The following ZNF148 variants were observed in gnomAD, a reference collection of about 807,000 sequenced individuals.
The protein encoded by ZNF148 is zinc finger protein 148, also known as Beta-Enolase Repressor Factor-1.
In ZNF148, 7 loss-of-function variants were observed where a neutral mutation model predicts 67.7. The ratio of observed to expected loss-of-function variants is 0.10; its 90% confidence interval spans 0.06 to 0.19. The LOEUF is 0.19. ZNF148 is among the 10% of genes least tolerant of loss of function. The pLI, the probability that ZNF148 is intolerant of heterozygous loss-of-function variation, is 1.00. For missense variants in ZNF148, 583 were observed against 947.1 expected (o/e 0.62, Z 5.05); for synonymous variants, 333 against 330.7 (o/e 1.01, Z -0.08).
In ZNF148 at chr3:125,313,352, G is replaced by C; in HGVS notation, c.289C>G (p.His97Asp). 6.2e-7 allele frequency: 1 copy of C among 1,614,036 alleles called. No individual in the cohort carries two copies. The highest frequency in any genetic ancestry group is 8.5e-7 in the Non-Finnish European group (1 of 1,179,906). The change falls in exon 4 of 9, where the codon CAT (histidine) becomes GAT (aspartate). Residue 97 changes from histidine (H) to aspartate (D), a missense_variant. His to Asp is a moderately conservative substitution (Grantham distance 81). Transcript: ENST00000360647. ...TGTAGTCCTTGAGGAAGTCTTTCATGTGTTTCCATCTGCTCTTCATCATTT... is the reference window on the plus strand; with the variant it reads ...TGTAGTCCTTGAGGAAGTCTTTCATCTGTTTCCATCTGCTCTTCATCATTT... ...VKNDEEQMET[H>D]ERLPQGLQYA...
chr3:125,258,333 G>A (rs571967434), intron 7 of ZNF148, among the ~76,000 whole-genome samples: 46 of 143,074 alleles, frequency 3.2e-4, no homozygotes, highest in African/African-American at 1.0e-3. Flanking sequence ...GCTGAGGCAG[G>A]AGAATGGCGT....
chr3:125,299,751 A>G (rs765864573), intron 4 of ZNF148, among the ~76,000 whole-genome samples: 3 of 152,176 alleles, frequency 2.0e-5, no homozygotes, highest in Non-Finnish European at 2.9e-5. Flanking sequence ...GACTCTCACC[A>G]GGAAAGGAAT....
At chr3:125,312,317 A>G (rs1940258172) in intron 4 of ZNF148, among the ~76,000 whole-genome samples, 1 of 152,194 alleles carries the variant, frequency 6.6e-6, no homozygotes, top group African/African-American at 2.4e-5. Context: ...TCATCAGGCT[A>G]AAGAGGAAAA....
intron 7 of ZNF148, among the ~76,000 whole-genome samples, chr3:125,245,944 T>G (rs758798522): frequency 1.3e-5 from 2 of 152,228 alleles, no homozygotes; most frequent in Non-Finnish European, 1.5e-5. Context: ...CTACCTTTCT[T>G]GTGTCTGACC....
intron 4 of ZNF148, among the ~76,000 whole-genome samples, chr3:125,296,964 C>A (rs926521866): frequency 1.5e-4 from 22 of 150,764 alleles, no homozygotes; most frequent in Admixed American, 4.0e-4. Flanking sequence ...GAAAAAAAAA[C>A]AAAAAAAGAA....
intron 7 of ZNF148, among the ~76,000 whole-genome samples, chr3:125,270,832 T>C (rs1937693599): frequency 2.0e-5 from 3 of 152,218 alleles, no homozygotes; most frequent in East Asian, 3.9e-4. Flanking sequence ...GCTATGATCA[T>C]GCCACTGCAC....
At chr3:125,305,057 C>A (rs1939801495) in intron 4 of ZNF148, among the ~76,000 whole-genome samples, 1 of 151,930 alleles carries the variant, frequency 6.6e-6, no homozygotes, top group South Asian at 2.1e-4. Context: ...AGATTTTAAC[C>A]CAGCAAATTT....
intron 5 of ZNF148, among the ~76,000 whole-genome samples, chr3:125,286,129 AT>A (rs938569836): frequency 6.6e-6 from 1 of 152,222 alleles, no homozygotes; most frequent in African/African-American, 2.4e-5. Flanking sequence ...TTTAGAAATA[AT>A]TTTTTACATA....
chr3:125,297,111 C>T (rs1319906881), intron 4 of ZNF148, among the ~76,000 whole-genome samples: 3 of 124,072 alleles, frequency 2.4e-5, no homozygotes, highest in African/African-American at 9.7e-5. Context: ...AGTCCTAGCA[C>T]AAATCCTTAC....
intron 3 of ZNF148, among the ~76,000 whole-genome samples, chr3:125,319,723 AAGACAGTAACAGCATATCCCCATTTAAC>A (rs1940687069): frequency 6.6e-6 from 1 of 152,222 alleles, no homozygotes. Flanking sequence ...AATAACCCTC[AAGACAGTAACAGCATATCCCCATTTAAC>A]AGACAAATTG....
intron 5 of ZNF148, among the ~76,000 whole-genome samples, chr3:125,285,017 T>A (rs1938584949): frequency 6.6e-6 from 1 of 152,202 alleles, no homozygotes; most frequent in Non-Finnish European, 1.5e-5. Context: ...AACACAGTAC[T>A]TTAAGGCAGC....
intron 2 of ZNF148, among the ~76,000 whole-genome samples, chr3:125,327,481 C>A (rs1462741765): frequency 6.6e-6 from 1 of 152,150 alleles, no homozygotes; most frequent in Non-Finnish European, 1.5e-5. Context: ...ACACGCGGGG[C>A]CATAAAATAA....
At chr3:125,341,281 A>C (rs1177849091) in intron 1 of ZNF148, among the ~76,000 whole-genome samples, 4 of 151,742 alleles carry the variant, frequency 2.6e-5, no homozygotes, top group Non-Finnish European at 4.4e-5. Context: ...TTAAAAAAAG[A>C]AGCATAGTCT....
At chr3:125,237,603 A>T (rs1013466551) in intron 7 of ZNF148, among the ~76,000 whole-genome samples, 2 of 152,176 alleles carry the variant, frequency 1.3e-5, no homozygotes, top group African/African-American at 2.4e-5. Flanking sequence ...AACTAAATTT[A>T]AAAAAGAATG....
intron 7 of ZNF148, among the ~76,000 whole-genome samples, chr3:125,259,614 G>C (rs952352312): frequency 6.6e-6 from 1 of 152,070 alleles, no homozygotes; most frequent in Non-Finnish European, 1.5e-5. Flanking sequence ...AGCCTATTAA[G>C]TGTAAAATAG....
chr3:125,313,505 C>G lies in ZNF148; in HGVS notation c.136G>C (p.Val46Leu). 1 of 1,614,140 alleles carries G rather than the reference C, an allele frequency of 6.2e-7. No individual in the cohort carries two copies. The highest frequency in any genetic ancestry group is 1.1e-5 in the South Asian group (1 of 91,082). Residue 46 changes from valine (V) to leucine (L), a missense_variant, in exon 4 of 9, where the codon GTA becomes CTA. Physicochemically the swap from Val to Leu is conservative, Grantham distance 32. Around this residue, in one of 5 missense-constraint regions of ZNF148, gnomAD observed 150 missense variants for 202.5 expected, o/e 0.74. Coordinates refer to ENST00000360647, the MANE Select transcript of ZNF148 (RefSeq NM_021964.3). ...TGAGGCATACTTCGATCTTGAAGTA[C>G]TGAATCCTGTAGCTCTCCAGACACA... ...STVSGELQDS[V>L]LQDRSMPHQE...
At chr3:125,266,137 AC>A (rs1937523736) in intron 7 of ZNF148, among the ~76,000 whole-genome samples, 1 of 152,238 alleles carries the variant, frequency 6.6e-6, no homozygotes. Flanking sequence ...TCAACATCCC[AC>A]TGACAGCCTT....
rs540438039 is a variant in ZNF148 at position 125,344,786 on chromosome 3, G to A, written c.-233-13548C>T. 155 of 465,772 alleles carry A rather than the reference G, an allele frequency of 3.3e-4. 1 individual carries two copies. The highest frequency in any genetic ancestry group is 2.5e-3 in the South Asian group (131 of 52,978). 28.9% of individuals were successfully genotyped at this position (465,772 alleles called of 1,614,324 possible). A position where few individuals can be genotyped will look rare whatever the true frequency, so the allele number is the denominator to read the frequency against. On this transcript the variant is annotated intron_variant, in intron 1 of 8. Transcript: ENST00000360647. The stretch of plus-strand genomic sequence containing the variant: ...GTCTCTGCACACCTAGAACTTCATA[G>A]TAATCCATCATGTTTTAGCAGATAG...
intron 4 of ZNF148, among the ~76,000 whole-genome samples, chr3:125,299,534 C>T (rs1444036769): frequency 6.6e-6 from 1 of 152,100 alleles, no homozygotes; most frequent in African/African-American, 2.4e-5. Context: ...ATAAAGTCAT[C>T]TATAAAGAAA....
Sources: allele counts gnomAD v4.1 joint callset (sites outside exome capture counted in the v4.1 genomes callset), GRCh38; gene constraint gnomAD v4.1.1; regional missense constraint gnomAD v4.1.1; transcripts MANE v1.5; gene names NCBI Gene and HGNC (gene_info 2026-07-23, HGNC 2026-07-21).